The following MTCL2 variants were observed in gnomAD, a reference collection of about 807,000 sequenced individuals.
MTCL2 encodes the protein microtubule crosslinking factor 2.
the MTCL2 span, among the ~76,000 whole-genome samples, chr20:36,834,573 C>T: frequency 6.6e-6 from 1 of 152,074 alleles, no homozygotes; most frequent in Non-Finnish European, 1.5e-5. Flanking sequence ...GAGATCCTGG[C>T]CTACCCTCGC....
At chr20:36,852,411 C>A in the MTCL2 span, among the ~76,000 whole-genome samples, 1 of 152,222 alleles carries the variant, frequency 6.6e-6, no homozygotes, top group South Asian at 2.1e-4. Context: ...GCCAGGGCAG[C>A]CATCTGCCGT....
At chr20:36,863,205 A>G in the MTCL2 span, 74 of 1,221,922 alleles carry the variant, frequency 6.1e-5, no homozygotes, top group Non-Finnish European at 7.4e-5. The surrounding 1 kb of genome is among the most constrained non-coding windows in gnomAD (Gnocchi z 6.2). Context: ...GCCCTTAGCC[A>G]GCGACCAGCC....
At chr20:36,793,187 G>T in the MTCL2 span, 1 of 1,470,104 alleles carries the variant, frequency 6.8e-7, no homozygotes, top group Non-Finnish European at 9.0e-7. The surrounding 1 kb of genome is among the most constrained non-coding windows in gnomAD (Gnocchi z 6.8). Context: ...AAAACCAAAA[G>T]AGCTTGGACC....
chr20:36,811,181 G>A, the MTCL2 span, among the ~76,000 whole-genome samples: 4 of 152,222 alleles, frequency 2.6e-5, no homozygotes, highest in Non-Finnish European at 5.9e-5. Flanking sequence ...ATTTTTGCAG[G>A]GCTACATACT....
At chr20:36,835,347 C>T in the MTCL2 span, among the ~76,000 whole-genome samples, 4 of 152,098 alleles carry the variant, frequency 2.6e-5, no homozygotes, top group Non-Finnish European at 5.9e-5. Context: ...ATTCATGACC[C>T]CCCACCCCAC....
the MTCL2 span, chr20:36,816,028 G>A: frequency 3.1e-6 from 5 of 1,613,572 alleles, no homozygotes; most frequent in Non-Finnish European, 4.2e-6. Context: ...CGCAGGCCTC[G>A]GTTCTCCACC....
chr20:36,794,522 C>T, the MTCL2 span: 90 of 1,614,052 alleles, frequency 5.6e-5, no homozygotes, highest in East Asian at 6.7e-4. The surrounding 1 kb of genome is among the most constrained non-coding windows in gnomAD (Gnocchi z 5.4). Context: ...CTTCTTGCCC[C>T]GGGCATCTCC....
At chr20:36,794,708 G>A in the MTCL2 span, 28 of 1,391,790 alleles carry the variant, frequency 2.0e-5, no homozygotes, top group Middle Eastern at 5.3e-4. The surrounding 1 kb of genome is among the most constrained non-coding windows in gnomAD (Gnocchi z 5.4). Context: ...GACCAGGACC[G>A]TCTTGTTCAC....
the MTCL2 span, among the ~76,000 whole-genome samples, chr20:36,861,831 A>G: frequency 6.6e-6 from 1 of 152,362 alleles, no homozygotes; most frequent in East Asian, 1.9e-4. Context: ...GCTCATGTCC[A>G]CTGAAAAAGC....
At chr20:36,789,134 C>T in the MTCL2 span, among the ~76,000 whole-genome samples, 1 of 152,164 alleles carries the variant, frequency 6.6e-6, no homozygotes, top group African/African-American at 2.4e-5. Context: ...AAAAGAAGAA[C>T]TACTGGGTCA....
chr20:36,782,720 A>G, the MTCL2 span: 22 of 152,140 alleles, frequency 1.4e-4, no homozygotes, highest in African/African-American at 5.3e-4. Context: ...CTTTTAGTAC[A>G]GACAGGGATT....
the MTCL2 span, chr20:36,829,181 T>C: frequency 4.7e-4 from 760 of 1,611,044 alleles, 2 homozygotes; most frequent in Middle Eastern, 2.8e-3. Context: ...CTCGAGCTCC[T>C]TATGCAGCCG....
chr20:36,854,617 AG>A, the MTCL2 span, among the ~76,000 whole-genome samples: 1 of 152,082 alleles, frequency 6.6e-6, no homozygotes, highest in Admixed American at 6.5e-5. Context: ...ACCATGGGGT[AG>A]GGTCAAGGAG....
the MTCL2 span, among the ~76,000 whole-genome samples, chr20:36,847,398 G>A: frequency 6.6e-6 from 1 of 152,156 alleles, no homozygotes; most frequent in African/African-American, 2.4e-5. Flanking sequence ...CCGTTGTGCT[G>A]GTAATTTTAG....
At chr20:36,796,982 G>C in the MTCL2 span, 1 of 1,608,396 alleles carries the variant, frequency 6.2e-7, no homozygotes, top group East Asian at 2.2e-5. Flanking sequence ...GGAAGGGTCA[G>C]TTCTGGCCAC....
At chr20:36,835,760 T>C in the MTCL2 span, among the ~76,000 whole-genome samples, 1 of 152,164 alleles carries the variant, frequency 6.6e-6, no homozygotes, top group Non-Finnish European at 1.5e-5. Flanking sequence ...GCAAGAGGGA[T>C]GCTGATTGGC....
the MTCL2 span, chr20:36,862,634 C>T: frequency 1.3e-6 from 2 of 1,486,336 alleles, no homozygotes; most frequent in Non-Finnish European, 1.8e-6. Flanking sequence ...CCTGCGACCT[C>T]CCTTTCTACC....
At chr20:36,855,043 G>A in the MTCL2 span, among the ~76,000 whole-genome samples, 1 of 152,152 alleles carries the variant, frequency 6.6e-6, no homozygotes, top group Non-Finnish European at 1.5e-5. Context: ...GACACCCAGA[G>A]CCAAGCACAG....
At chr20:36,798,279 G>A in the MTCL2 span, among the ~76,000 whole-genome samples, 1 of 152,190 alleles carries the variant, frequency 6.6e-6, no homozygotes, top group Non-Finnish European at 1.5e-5. Context: ...ATGTTGGCCA[G>A]CCTGGTCTTG....
Sources: gnomAD v4.1 joint callset for allele counts (sites outside exome capture counted in the v4.1 genomes callset) on GRCh38, gnomAD v4.1.1 for gene constraint, Gnocchi (gnomAD v3.1) non-coding constraint, MANE v1.5 for transcripts, NCBI Gene and HGNC (gene_info 2026-07-23, HGNC 2026-07-21) for gene names.